The following SLC24A2 variants were observed in gnomAD, a reference collection of about 807,000 sequenced individuals.
SLC24A2 encodes the protein sodium/potassium/calcium exchanger 2.
Under a neutral mutation model 62.0 loss-of-function variants are expected in SLC24A2, and 36 were observed. The observed-to-expected ratio is 0.58, with a 90% CI of 0.44 to 0.77. The LOEUF (loss-of-function observed/expected upper bound fraction) is 0.77. SLC24A2 is among the 30% of genes least tolerant of loss of function. The probability of loss-of-function intolerance (pLI) is 0.00; values close to 1 mark genes in which losing one functional copy is unlikely to be tolerated. For missense variants in SLC24A2, 846 were observed against 817.9 expected (o/e 1.03, Z -0.42); for synonymous variants, 358 against 294.0 (o/e 1.22, Z -2.23).
the SLC24A2 span, among the ~76,000 whole-genome samples, chr9:20,195,939 T>G: frequency 3.9e-5 from 6 of 151,974 alleles, no homozygotes; most frequent in African/African-American, 1.5e-4. Context: ...AGAGACAACT[T>G]AAAAATGGGC....
chr9:19,648,661 T>C (rs1018898637), intron 2 of SLC24A2, among the ~76,000 whole-genome samples: 2 of 152,218 alleles, frequency 1.3e-5, no homozygotes, highest in African/African-American at 4.8e-5. Flanking sequence ...TTAATTCTAC[T>C]GGGCAGGAGG....
intron 2 of SLC24A2, among the ~76,000 whole-genome samples, chr9:19,739,635 C>A (rs1017816341): frequency 1.3e-5 from 2 of 152,040 alleles, no homozygotes; most frequent in African/African-American, 4.8e-5. Context: ...GAATTTCACC[C>A]CTATCTTACG....
chr9:20,037,915 C>G, the SLC24A2 span, among the ~76,000 whole-genome samples: 1 of 152,144 alleles, frequency 6.6e-6, no homozygotes, highest in African/African-American at 2.4e-5. Flanking sequence ...GTTTGAAAAT[C>G]CTGACCAAAA....
At chr9:19,849,896 G>A in the SLC24A2 span, among the ~76,000 whole-genome samples, 291 of 152,240 alleles carry the variant, frequency 1.9e-3, no homozygotes, top group African/African-American at 6.2e-3. Flanking sequence ...TTTAATGGTC[G>A]TTGTGAAATA....
the SLC24A2 span, among the ~76,000 whole-genome samples, chr9:20,165,378 G>A: frequency 7.2e-5 from 11 of 151,808 alleles, no homozygotes; most frequent in Non-Finnish European, 1.5e-4. Context: ...AAGAGATATG[G>A]GTTGAGCTAT....
the SLC24A2 span, among the ~76,000 whole-genome samples, chr9:19,959,397 T>C: frequency 2.6e-5 from 4 of 152,222 alleles, no homozygotes; most frequent in African/African-American, 9.6e-5. Flanking sequence ...AGCTTATGTA[T>C]AAGAGTCAAG....
the SLC24A2 span, among the ~76,000 whole-genome samples, chr9:19,813,711 T>A: frequency 6.6e-6 from 1 of 152,058 alleles, no homozygotes; most frequent in Non-Finnish European, 1.5e-5. Flanking sequence ...ATCAAAGTGA[T>A]GATATTTGGA....
Position 19,750,821 on chromosome 9 carries a change from C to T in SLC24A2, c.930+35116G>A, listed in dbSNP as rs572658014. ...TGGTGCCAAGCTACCGGCCAGGTGTCTGCCATCTGATGCTCTTCCACATCA... is the reference window on the plus strand; with the variant it reads ...TGGTGCCAAGCTACCGGCCAGGTGTTTGCCATCTGATGCTCTTCCACATCA... On this transcript the variant is annotated intron_variant, in intron 2 of 10. Transcript: ENST00000341998. Among the ~76,000 whole-genome samples the T allele has an allele frequency of 4.8e-4, 73 of 152,274 alleles. 2 individuals are homozygous for T. The Middle Eastern group carries it at 0.014, about 28-fold the overall frequency.
At chr9:19,743,300 A>G (rs1391093861) in intron 2 of SLC24A2, among the ~76,000 whole-genome samples, 1 of 152,184 alleles carries the variant, frequency 6.6e-6, no homozygotes, top group Non-Finnish European at 1.5e-5. Context: ...TTGATCATAC[A>G]CTGATGTGTA....
the SLC24A2 span, among the ~76,000 whole-genome samples, chr9:19,897,233 G>C: frequency 9.7e-3 from 1,470 of 152,194 alleles, 18 homozygotes; most frequent in African/African-American, 0.031. Flanking sequence ...TCATTTTCTT[G>C]CTGGAATGTG....
the SLC24A2 span, among the ~76,000 whole-genome samples, chr9:20,232,232 G>C: frequency 1.5e-3 from 227 of 152,300 alleles, 2 homozygotes; most frequent in African/African-American, 5.1e-3. Flanking sequence ...TTTGGTATCA[G>C]GATGATGCTG....
chr9:19,715,001 A>G (rs1820818409), intron 2 of SLC24A2, among the ~76,000 whole-genome samples: 1 of 152,038 alleles, frequency 6.6e-6, no homozygotes, highest in African/African-American at 2.4e-5. Flanking sequence ...AAGAAGTGGG[A>G]AAAGTCTATT....
Position 19,593,118 on chromosome 9 carries a change from G to C in SLC24A2, c.1129+4111C>G, listed in dbSNP as rs183420436. On this transcript the variant is annotated intron_variant, in intron 5 of 10. Transcript: ENST00000341998. ...GAACATGGCAGTGGAGACATCGCCT[G>C]CCAGGCACAGTGCTGTGAGCTTTAT... 2.9e-3 allele frequency among the ~76,000 whole-genome samples: 448 copies of C among 152,344 alleles called. 4 individuals are homozygous for C. Among genetic ancestry groups the C allele is most frequent in the African/African-American group, 0.01 (434 of 41,576 alleles).
chr9:19,763,381 C>T lies in SLC24A2; in HGVS notation c.930+22556G>A, dbSNP rs189122324. 5.9e-5 allele frequency among the ~76,000 whole-genome samples: 9 copies of T among 152,308 alleles called. No individual in the cohort carries two copies. The East Asian group carries it at 1.7e-3, about 29-fold the overall frequency. On this transcript the variant is annotated intron_variant, in intron 2 of 10. Coordinates refer to ENST00000341998, the MANE Select transcript of SLC24A2 (RefSeq NM_020344.4). ...GAATAGCAGTGGTGAGAGAGGGCAT[C>T]GTTGTCTTGTGCCAGTTTTCAAAGG...
the SLC24A2 span, among the ~76,000 whole-genome samples, chr9:20,212,862 A>G: frequency 6.6e-6 from 1 of 151,822 alleles, no homozygotes; most frequent in Non-Finnish European, 1.5e-5. Flanking sequence ...CAGAAATTTT[A>G]TCAATCTCAT....
At chr9:20,237,882 T>C in the SLC24A2 span, among the ~76,000 whole-genome samples, 2,241 of 152,252 alleles carry the variant, frequency 0.015, 51 homozygotes, top group African/African-American at 0.051. Flanking sequence ...TGTTGAGTCA[T>C]CCATTTTGAG....
chr9:19,520,604 A>T (rs1333850777), intron 10 of SLC24A2, among the ~76,000 whole-genome samples: 1 of 152,078 alleles, frequency 6.6e-6, no homozygotes, highest in Non-Finnish European at 1.5e-5. Context: ...TCTCAGTTCC[A>T]CTTGAATGTT....
the SLC24A2 span, among the ~76,000 whole-genome samples, chr9:20,011,341 T>C: frequency 6.6e-6 from 1 of 152,198 alleles, no homozygotes; most frequent in Non-Finnish European, 1.5e-5. Flanking sequence ...GGTTTTGATT[T>C]GCATTTCTCT....
chr9:19,683,112 G>T (rs1008304852), intron 2 of SLC24A2, among the ~76,000 whole-genome samples: 1 of 152,046 alleles, frequency 6.6e-6, no homozygotes, highest in Non-Finnish European at 1.5e-5. Flanking sequence ...AGGGAGAGGA[G>T]GGAAAGGTTT....
Sources: allele counts gnomAD v4.1 joint callset (sites outside exome capture counted in the v4.1 genomes callset), GRCh38; gene constraint gnomAD v4.1.1; transcripts MANE v1.5; gene names NCBI Gene and HGNC (gene_info 2026-07-23, HGNC 2026-07-21).